Variants in CNTLN observed in about 807,000 individuals in gnomAD.
CNTLN encodes the protein centlein.
In CNTLN, 212 loss-of-function variants were observed where a neutral mutation model predicts 180.0. That is an observed-to-expected ratio of 1.18 (90% CI 1.05 to 1.32). CNTLN has a LOEUF of 1.32. Ranked by LOEUF, CNTLN falls within the 40% of genes most tolerant of loss-of-function variation. The pLI, the probability that CNTLN is intolerant of heterozygous loss-of-function variation, is 0.00. For missense variants in CNTLN, 2,095 were observed against 1,610.9 expected (o/e 1.30, Z -5.14); for synonymous variants, 722 against 563.1 (o/e 1.28, Z -3.99).
intron 6 of CNTLN, among the ~76,000 whole-genome samples, chr9:17,278,307 A>T (rs978136607): frequency 1.3e-5 from 2 of 152,134 alleles, no homozygotes; most frequent in Non-Finnish European, 2.9e-5. Flanking sequence ...TTTTCTGGCC[A>T]TTATTCCCTG....
chr9:17,241,152 C>T (rs1454592802), intron 5 of CNTLN, among the ~76,000 whole-genome samples: 1 of 152,206 alleles, frequency 6.6e-6, no homozygotes, highest in Non-Finnish European at 1.5e-5. Flanking sequence ...GCCACCGCAG[C>T]CAGCCTGCAG....
rs754505369 is a variant in CNTLN at position 17,388,218 on chromosome 9, A to G, written c.2044A>G (p.Asn682Asp). 1.2e-6 allele frequency: 2 copies of G among 1,612,472 alleles called. No homozygotes were observed. Among genetic ancestry groups the G allele is most frequent in the Non-Finnish European group, 8.5e-7 (1 of 1,178,818 alleles). ...DEVKRSTPEK[N>D]GKEMLEQTLQ... The stretch of plus-strand genomic sequence containing the variant: ...GGTCAAGAGGAGTACTCCAGAGAAG[A>G]ATGGAAAAGAAATGTTGGAGCAGAC... The change falls in exon 14 of 26, where the codon AAT becomes GAT. Residue 682 changes from asparagine to aspartate, a missense_variant. Coordinates refer to ENST00000380647, the MANE Select transcript of CNTLN (RefSeq NM_017738.4).
intron 7 of CNTLN, among the ~76,000 whole-genome samples, chr9:17,305,353 A>G (rs2780204): frequency 0.2 from 30,322 of 152,062 alleles, 3,734 homozygotes; most frequent in African/African-American, 0.34. Flanking sequence ...ATTCTTATCC[A>G]TTCGAGCTTT....
chr9:17,408,448 G>A (rs1827580000), intron 15 of CNTLN, among the ~76,000 whole-genome samples: 1 of 152,058 alleles, frequency 6.6e-6, no homozygotes, highest in East Asian at 1.9e-4. Flanking sequence ...AAGGTTACAT[G>A]AGGGAAGGGA....
At chr9:17,267,170 C>G (rs1005824823) in intron 5 of CNTLN, among the ~76,000 whole-genome samples, 1 of 152,096 alleles carries the variant, frequency 6.6e-6, no homozygotes, top group African/African-American at 2.4e-5. Flanking sequence ...TTTGCAGTGG[C>G]TGGTACCGGT....
At chr9:17,176,306 G>A (rs1190357435) in intron 2 of CNTLN, among the ~76,000 whole-genome samples, 2 of 151,624 alleles carry the variant, frequency 1.3e-5, no homozygotes, top group Non-Finnish European at 2.9e-5. Flanking sequence ...ATCATGAATG[G>A]GCATTTGATT....
chr9:17,155,467 G>A (rs530998158), intron 2 of CNTLN, among the ~76,000 whole-genome samples: 3 of 152,204 alleles, frequency 2.0e-5, no homozygotes, highest in Non-Finnish European at 4.4e-5. Context: ...GCCCTTTCCA[G>A]AGAGGAGCAA....
chr9:17,504,604 G>A (rs1039790450), downstream of CNTLN, among the ~76,000 whole-genome samples: 1 of 152,156 alleles, frequency 6.6e-6, no homozygotes, highest in Admixed American at 6.5e-5. Context: ...TTGGATTACC[G>A]ATGTGAGCCT....
intron 2 of CNTLN, among the ~76,000 whole-genome samples, chr9:17,192,640 A>G (rs1349346444): frequency 1.3e-5 from 2 of 152,218 alleles, no homozygotes; most frequent in Non-Finnish European, 2.9e-5. Flanking sequence ...TGGTGGAGTC[A>G]GAATTTGAAA....
rs138756487 is a variant in CNTLN at position 17,174,340 on chromosome 9, T to C, written c.449+30964T>C. 5.3e-3 allele frequency among the ~76,000 whole-genome samples: 803 copies of C among 152,320 alleles called. 5 individuals carry two copies. The highest frequency in any genetic ancestry group is 0.019 in the African/African-American group (773 of 41,552). On this transcript the variant is annotated intron_variant, in intron 2 of 25. Transcript: ENST00000380647. The stretch of plus-strand genomic sequence containing the variant: ...TGTTGTAAACCTAAGTTTTTATTTA[T>C]CTGGGATAAATGGCCAGGAGTGTAA...
intron 12 of CNTLN, among the ~76,000 whole-genome samples, chr9:17,359,723 T>TACAAAAAAAAAAAAAAAAA (rs1564027184): frequency 1.7e-4 from 3 of 17,648 alleles, no homozygotes; most frequent in Admixed American, 9.7e-4. Flanking sequence ...ATACTAAAAA[T>TACAAAAAAAAAAAAAAAAA]ACAAAAAAAA....
At chr9:17,326,844 A>G (rs1820326769) in intron 8 of CNTLN, among the ~76,000 whole-genome samples, 1 of 152,202 alleles carries the variant, frequency 6.6e-6, no homozygotes, top group South Asian at 2.1e-4. Context: ...TGTCAAGGTC[A>G]TGAAAGACAA....
chr9:17,444,115 A>G (rs1265140332), intron 18 of CNTLN: 2 of 152,228 alleles, frequency 1.3e-5, no homozygotes, highest in African/African-American at 2.4e-5. Context: ...ACTGTAGATC[A>G]TAGACTTGGT....
intron 15 of CNTLN, among the ~76,000 whole-genome samples, chr9:17,396,024 A>T (rs765007997): frequency 9.2e-5 from 14 of 152,162 alleles, no homozygotes; most frequent in Non-Finnish European, 1.6e-4. Flanking sequence ...CAAGGTGGCC[A>T]CAAGAGTGAT....
intron 16 of CNTLN, among the ~76,000 whole-genome samples, chr9:17,415,102 A>C (rs1828127303): frequency 6.6e-6 from 1 of 152,060 alleles, no homozygotes; most frequent in Admixed American, 6.5e-5. Context: ...AAAAAAAAAA[A>C]ATCTTAAGAC....
intron 2 of CNTLN, chr9:17,167,416 C>G (rs1358032780): frequency 1.3e-5 from 2 of 152,244 alleles, no homozygotes. Flanking sequence ...CTTTTGAGAT[C>G]CACACACAAT....
intron 10 of CNTLN, among the ~76,000 whole-genome samples, chr9:17,334,649 A>G (rs1820879990): frequency 6.6e-6 from 1 of 152,164 alleles, no homozygotes; most frequent in South Asian, 2.1e-4. Flanking sequence ...TCATTGTCCT[A>G]TGTGAACTAA....
At chr9:17,179,024 C>T (rs1820934230) in intron 2 of CNTLN, among the ~76,000 whole-genome samples, 1 of 146,174 alleles carries the variant, frequency 6.8e-6, no homozygotes, top group Non-Finnish European at 1.5e-5. Context: ...GCGGGCGGAT[C>T]ACGAGGTCAG....
chr9:17,399,262 C>G (rs950650211), intron 15 of CNTLN, among the ~76,000 whole-genome samples: 28 of 152,162 alleles, frequency 1.8e-4, no homozygotes, highest in African/African-American at 6.5e-4. Flanking sequence ...ACTTGTTAAT[C>G]TGTCTTTTGT....
Sources: allele counts gnomAD v4.1 joint callset (sites outside exome capture counted in the v4.1 genomes callset), GRCh38; gene constraint gnomAD v4.1.1; transcripts MANE v1.5; gene names NCBI Gene and HGNC (gene_info 2026-07-23, HGNC 2026-07-21).